Variants in DENND1B observed in about 807,000 individuals in gnomAD.
DENND1B encodes the protein DENN domain containing 1B.
DENND1B carries 59 observed loss-of-function variants against 90.1 expected under a neutral mutation model. The ratio of observed to expected loss-of-function variants is 0.65; its 90% CI spans 0.53 to 0.81. The LOEUF (loss-of-function observed/expected upper bound fraction) is 0.81. Ranked by LOEUF, DENND1B falls within the 40% of genes least tolerant of loss-of-function variation. The pLI, the probability that DENND1B is intolerant of heterozygous loss-of-function variation, is 0.00. For missense variants in DENND1B, 862 were observed against 912.6 expected, an observed-to-expected ratio of 0.94 and a Z score of 0.71; for synonymous variants, 337 against 324.6, an observed-to-expected ratio of 1.04 and a Z score of -0.41.
chr1:197,625,728 TAA>T (rs1482775241), intron 10 of DENND1B, among the ~76,000 whole-genome samples: 22 of 152,120 alleles, frequency 1.4e-4, no homozygotes, highest in African/African-American at 5.3e-4. Context: ...GCAAATTGGA[TAA>T]AGAGTCAAGA....
chr1:197,676,719 G>A (rs1656116370), intron 3 of DENND1B, among the ~76,000 whole-genome samples: 1 of 152,104 alleles, frequency 6.6e-6, no homozygotes. Context: ...CAAAATGAAA[G>A]AGGTAATAAT....
At chr1:197,707,497 T>C (rs2102194223) in intron 3 of DENND1B, among the ~76,000 whole-genome samples, 1 of 151,248 alleles carries the variant, frequency 6.6e-6, no homozygotes, top group African/African-American at 2.4e-5. Context: ...GATCATTACA[T>C]ATTGTATACA....
chr1:197,768,604 G>C (rs1171241525), intron 2 of DENND1B, among the ~76,000 whole-genome samples: 3 of 152,014 alleles, frequency 2.0e-5, no homozygotes, highest in Non-Finnish European at 4.4e-5. Context: ...AGAGCATTAA[G>C]ATCTAAATTT....
chr1:197,529,187 T>G (rs1669373692), intron 20 of DENND1B, among the ~76,000 whole-genome samples: 1 of 140,554 alleles, frequency 7.1e-6, no homozygotes, highest in Non-Finnish European at 1.5e-5. Context: ...TTTCCCGACA[T>G]GAAATAGTTA....
At chr1:197,522,710 A>C (rs1276380854) in intron 20 of DENND1B, among the ~76,000 whole-genome samples, 1 of 152,124 alleles carries the variant, frequency 6.6e-6, no homozygotes, top group Non-Finnish European at 1.5e-5. Flanking sequence ...ATCTTTTTAA[A>C]AAATCATAAT....
At chr1:197,697,727 T>G (rs1182174442) in intron 3 of DENND1B, among the ~76,000 whole-genome samples, 1 of 151,602 alleles carries the variant, frequency 6.6e-6, no homozygotes, top group East Asian at 1.9e-4. Flanking sequence ...GGAGGAAAAT[T>G]TACCAAGCAA....
chr1:197,741,584 T>TA (rs1202147913), intron 2 of DENND1B, among the ~76,000 whole-genome samples: 9 of 152,156 alleles, frequency 5.9e-5, no homozygotes, highest in Non-Finnish European at 1.0e-4. Context: ...CACAAAAACA[T>TA]ACCTTTTATG....
At position 197,510,352 on chromosome 1, in the gene DENND1B, C is replaced by CA. The variant is rs201905153; in HGVS notation, c.*107dup. The CA allele has an allele frequency of 4.9e-3, 6,333 of 1,285,468 alleles. 175 individuals are homozygous for CA. The African/African-American group carries it at 0.078, about 16-fold the overall frequency. The allele number at this position is 1,285,468 out of a possible 1,614,324, so 79.6% of individuals were successfully genotyped here. A position where few individuals can be genotyped will look rare whatever the true frequency, so the allele number is the denominator to read the frequency against. On this transcript the variant is annotated 3_prime_UTR_variant, in exon 23 of 23. Transcript: ENST00000620048. ...ACAAGTGAGAAAAATGTTGCAAATGCAAAAAAAAATTTAAATAGTATGAGT... is the reference window on the plus strand; with the variant it reads ...ACAAGTGAGAAAAATGTTGCAAATGCAAAAAAAAAATTTAAATAGTATGAGT...
chr1:197,761,455 A>C (rs1655043408), intron 2 of DENND1B, among the ~76,000 whole-genome samples: 1 of 152,198 alleles, frequency 6.6e-6, no homozygotes, highest in Non-Finnish European at 1.5e-5. Flanking sequence ...AGGACATATG[A>C]TGTTCCCGTG....
At chr1:197,521,458 G>T (rs1478577719) in intron 20 of DENND1B, among the ~76,000 whole-genome samples, 1 of 151,806 alleles carries the variant, frequency 6.6e-6, no homozygotes, top group Admixed American at 6.6e-5. Flanking sequence ...TTAGACATAA[G>T]AAAATTAAGA....
Position 197,729,511 on chromosome 1 carries a change from C to A in DENND1B, c.83-14437G>T, listed in dbSNP as rs560371734. Among the ~76,000 whole-genome samples the A allele has an allele frequency of 2.0e-5, 3 of 152,016 alleles. No homozygotes were observed. The East Asian group carries it at 5.8e-4, about 29-fold the overall frequency. ...ACACCAAAGAGAGGGAAGTGATCTG[C>A]CCTTATTTTCACTACATATTTTCAC... On this transcript the variant is annotated intron_variant, in intron 2 of 22. Coordinates refer to ENST00000620048, the MANE Select transcript of DENND1B (RefSeq NM_001195215.2).
At chr1:197,747,293 G>T (rs918304945) in intron 2 of DENND1B, 14 of 606,162 alleles carry the variant, frequency 2.3e-5, no homozygotes, top group Non-Finnish European at 3.7e-5. Flanking sequence ...TCAGTTTTGG[G>T]TTCATCTATC....
At chr1:197,690,390 G>A in intron 3 of DENND1B, 1 of 173,522 alleles carries the variant, frequency 5.8e-6, no homozygotes, top group South Asian at 1.3e-4. Flanking sequence ...ATTGAAGCAA[G>A]ATTGATTGCC....
chr1:197,705,472 T>C lies in DENND1B; in HGVS notation c.126+9559A>G, dbSNP rs1354869744. On this transcript the variant is annotated intron_variant, in intron 3 of 22. Transcript: ENST00000620048. Reference sequence around the variant, plus strand: ...ATTTCACTAAGCATATGAGGGCTTATTGATGTCCCAGTGATCTCACAATTT... The same window carrying C: ...ATTTCACTAAGCATATGAGGGCTTACTGATGTCCCAGTGATCTCACAATTT... Among the ~76,000 whole-genome samples the C allele has an allele frequency of 3.3e-5, 5 of 152,172 alleles. No homozygotes were observed. The East Asian group carries it at 7.7e-4, about 24-fold the overall frequency.
intron 15 of DENND1B, among the ~76,000 whole-genome samples, chr1:197,569,470 T>C (rs1269168927): frequency 6.6e-6 from 1 of 152,020 alleles, no homozygotes; most frequent in Non-Finnish European, 1.5e-5. Context: ...TCTATCTGCA[T>C]TACATGTTCA....
At chr1:197,655,725 G>A (rs900393192) in intron 6 of DENND1B, among the ~76,000 whole-genome samples, 4 of 151,958 alleles carry the variant, frequency 2.6e-5, no homozygotes, top group African/African-American at 7.3e-5. Flanking sequence ...GTAGAGACGG[G>A]GTTTCACTGT....
intron 3 of DENND1B, among the ~76,000 whole-genome samples, chr1:197,714,137 C>A (rs994249065): frequency 6.6e-6 from 1 of 150,810 alleles, no homozygotes; most frequent in Middle Eastern, 3.4e-3. Context: ...CCACCACACA[C>A]GGCTGTTTTG....
intron 15 of DENND1B, among the ~76,000 whole-genome samples, chr1:197,578,166 T>C (rs1252853805): frequency 6.6e-6 from 1 of 152,192 alleles, no homozygotes; most frequent in Non-Finnish European, 1.5e-5. Context: ...TACTGCATGG[T>C]ACAGTGACCA....
At chr1:197,563,174 T>C (rs555055724) in intron 15 of DENND1B, among the ~76,000 whole-genome samples, 35 of 152,118 alleles carry the variant, frequency 2.3e-4, no homozygotes, top group African/African-American at 8.2e-4. Flanking sequence ...GCTAAGATTA[T>C]TGATGAAAGT....
Sources: gnomAD v4.1 joint callset for allele counts (sites outside exome capture counted in the v4.1 genomes callset) on GRCh38, gnomAD v4.1.1 for gene constraint, MANE v1.5 for transcripts, NCBI Gene and HGNC (gene_info 2026-07-23, HGNC 2026-07-21) for gene names.